The following SLC38A6 variants were observed in gnomAD, a reference collection of about 807,000 sequenced individuals.
SLC38A6 encodes N system amino acid transporter NAT-1.
Under a neutral mutation model 65.0 loss-of-function variants are expected in SLC38A6, and 73 were observed. The ratio of observed to expected loss-of-function variants is 1.12; its 90% CI spans 0.93 to 1.37. The LOEUF is 1.37. Among genes scored for constraint, SLC38A6 ranks in the 40% most tolerant of loss-of-function variants. The pLI, the probability that SLC38A6 is intolerant of heterozygous loss-of-function variation, is 0.00. For missense variants in SLC38A6, 561 were observed against 531.1 expected (o/e 1.06, Z -0.55); for synonymous variants, 183 against 178.8 (o/e 1.02, Z -0.19).
chr14:61,066,766 C>G (rs1270806749), intron 15 of SLC38A6, among the ~76,000 whole-genome samples: 1 of 152,038 alleles, frequency 6.6e-6, no homozygotes, highest in Non-Finnish European at 1.5e-5. Context: ...TATTTTTTAT[C>G]CGTATTTGAT....
At position 60,984,743 on chromosome 14, in the gene SLC38A6, A is replaced by G; in HGVS notation, c.250A>G (p.Thr84Ala). 6.2e-7 allele frequency: 1 copy of G among 1,613,998 alleles called. No individual in the cohort carries two copies. The change falls in exon 3 of 16, where the codon ACA (threonine) becomes GCA (alanine). Residue 84 changes from threonine (T) to alanine (A), a missense_variant. Coordinates refer to ENST00000267488, the MANE Select transcript of SLC38A6 (RefSeq NM_153811.3). ...TTTATGTTTTAGCTTCTTGCTGCTGACAGTTGCTCTCCTGGCTTCTTACTC... is the reference window on the plus strand; with the variant it reads ...TTTATGTTTTAGCTTCTTGCTGCTGGCAGTTGCTCTCCTGGCTTCTTACTC... ...GVFGFSFLLL[T>A]VALLASYSVH...
At chr14:61,012,577 T>C (rs1448033786) in intron 3 of SLC38A6, among the ~76,000 whole-genome samples, 2 of 152,184 alleles carry the variant, frequency 1.3e-5, no homozygotes, top group Non-Finnish European at 2.9e-5. Flanking sequence ...GATTCTGGTA[T>C]GTTGTGTCTT....
chr14:60,999,851 C>A (rs1049734446), intron 3 of SLC38A6, among the ~76,000 whole-genome samples: 5 of 152,140 alleles, frequency 3.3e-5, no homozygotes, highest in African/African-American at 1.2e-4. Flanking sequence ...AAGAGTGGCC[C>A]TGTGGACACC....
chr14:61,026,968 A>G (rs980440580), intron 5 of SLC38A6, among the ~76,000 whole-genome samples: 1 of 151,562 alleles, frequency 6.6e-6, no homozygotes, highest in East Asian at 1.9e-4. Flanking sequence ...TCTCCTCTCA[A>G]CCTCCCGGGC....
rs1182078888 is a variant in SLC38A6, at chr14:61,052,120, A to G, written c.1275A>G (p.Ser425=). 1.3e-6 allele frequency: 2 copies of G among 1,563,716 alleles called. No individual in the cohort carries two copies. The highest frequency in any genetic ancestry group is 1.7e-6 in the Non-Finnish European group (2 of 1,166,000). The change falls in exon 15 of 16, where the codon TCA becomes TCG. Residue 425 remains serine (S), a synonymous_variant. Transcript: ENST00000267488. ...YLKLSREDFL[S]WKKLGAFVLL... is the part of the protein sequence containing the mutation. Reference sequence around the variant, plus strand: ...AACTTAGCAGAGAGGATTTTCTGTCATGGAAAAAGCTTGGGGTAGGTTGTT... The same window carrying G: ...AACTTAGCAGAGAGGATTTTCTGTCGTGGAAAAAGCTTGGGGTAGGTTGTT...
At chr14:61,009,531 TC>T (rs2039396414) in intron 3 of SLC38A6, among the ~76,000 whole-genome samples, 1 of 151,126 alleles carries the variant, frequency 6.6e-6, no homozygotes, top group Non-Finnish European at 1.5e-5. Context: ...ATGCTATCCC[TC>T]CCCCTCCCCC....
intron 3 of SLC38A6, among the ~76,000 whole-genome samples, chr14:61,009,794 A>G (rs1005197438): frequency 3.3e-5 from 5 of 152,156 alleles, no homozygotes; most frequent in Non-Finnish European, 7.4e-5. Context: ...TTGGACATTT[A>G]GGTTGGTTCC....
chr14:61,079,568 G>A (rs1163670444), intron 16 of SLC38A6, among the ~76,000 whole-genome samples: 2 of 152,072 alleles, frequency 1.3e-5, no homozygotes, highest in Admixed American at 6.5e-5. Context: ...ATGACTTAAT[G>A]TAACTGCTCC....
chr14:61,027,137 A>C (rs1031853792), intron 5 of SLC38A6, among the ~76,000 whole-genome samples: 1 of 152,118 alleles, frequency 6.6e-6, no homozygotes, highest in Non-Finnish European at 1.5e-5. Context: ...CTGTGTTTTC[A>C]GTTGACAGAT....
intron 5 of SLC38A6, among the ~76,000 whole-genome samples, chr14:61,030,106 A>G (rs754646540): frequency 6.6e-6 from 1 of 152,212 alleles, no homozygotes; most frequent in Non-Finnish European, 1.5e-5. Flanking sequence ...GAGTGATAAC[A>G]TATAAGAGAG....
intron 16 of SLC38A6, among the ~76,000 whole-genome samples, chr14:61,080,841 C>T (rs1269990381): frequency 3.3e-5 from 5 of 152,146 alleles, no homozygotes; most frequent in East Asian, 3.9e-4. Flanking sequence ...AGCCAGGAGA[C>T]GCCAGACAGC....
chr14:61,011,669 T>G (rs528709303), intron 3 of SLC38A6, among the ~76,000 whole-genome samples: 76 of 152,370 alleles, frequency 5.0e-4, no homozygotes, highest in African/African-American at 1.8e-3. Context: ...GCTCTGTTTA[T>G]ATGCTGGATT....
At chr14:61,021,892 T>C (rs1207947799) in intron 5 of SLC38A6, among the ~76,000 whole-genome samples, 2 of 152,158 alleles carry the variant, frequency 1.3e-5, no homozygotes, top group Admixed American at 6.5e-5. Flanking sequence ...GGAAGCTTGC[T>C]CTTGTGAGCA....
chr14:60,984,133 A>C (rs988192280), intron 2 of SLC38A6, among the ~76,000 whole-genome samples: 8 of 152,248 alleles, frequency 5.3e-5, no homozygotes, highest in Admixed American at 3.9e-4. Context: ...GAGGACCTCA[A>C]TCATTACATT....
At chr14:61,040,674 G>A (rs1022312301) in intron 8 of SLC38A6, among the ~76,000 whole-genome samples, 1 of 152,082 alleles carries the variant, frequency 6.6e-6, no homozygotes, top group African/African-American at 2.4e-5. Flanking sequence ...TAGAGACAGA[G>A]TCCCATTATG....
intron 3 of SLC38A6, among the ~76,000 whole-genome samples, chr14:60,998,912 G>A (rs2038491611): frequency 6.6e-6 from 1 of 152,228 alleles, no homozygotes; most frequent in Non-Finnish European, 1.5e-5. Flanking sequence ...CTTTCCCTTA[G>A]TTGGAGGGTG....
At chr14:61,060,936 C>T (rs917648432) in intron 15 of SLC38A6, among the ~76,000 whole-genome samples, 4 of 149,814 alleles carry the variant, frequency 2.7e-5, no homozygotes, top group African/African-American at 9.9e-5. Context: ...ACTCCCTGAC[C>T]CCTTGCGCTT....
intron 8 of SLC38A6, 128 bp downstream of exon 8, chr14:61,037,811 G>T (rs1054315676): frequency 3.4e-6 from 2 of 586,456 alleles, no homozygotes; most frequent in Non-Finnish European, 5.8e-6. Context: ...GTTATTAAAA[G>T]CACTTTTGTT....
intron 5 of SLC38A6, among the ~76,000 whole-genome samples, chr14:61,024,288 G>A (rs902803747): frequency 3.5e-4 from 54 of 152,212 alleles, no homozygotes; most frequent in African/African-American, 9.6e-4. Flanking sequence ...AGAAATCCTT[G>A]GCTTTGGAAA....
Sources: allele counts gnomAD v4.1 joint callset (sites outside exome capture counted in the v4.1 genomes callset), GRCh38; gene constraint gnomAD v4.1.1; transcripts MANE v1.5; gene names NCBI Gene and HGNC (gene_info 2026-07-23, HGNC 2026-07-21).